RNF168: variants seen among roughly 807,000 people sequenced by gnomAD.
The protein encoded by RNF168 is ring finger protein 168.
In RNF168, 34 loss-of-function variants were observed where a neutral mutation model predicts 34.9. The observed-to-expected ratio is 0.97, with a 90% CI of 0.74 to 1.30. RNF168 has a LOEUF of 1.30. RNF168 is among the 50% of genes most tolerant of loss of function. The pLI, the probability that RNF168 is intolerant of heterozygous loss-of-function variation, is 0.00. For synonymous variants in RNF168, 264 were observed against 254.7 expected (o/e 1.04, Z -0.35); for missense variants, 725 against 682.5 (o/e 1.06, Z -0.69).
At chr3:196,477,610 G>C (rs1732180350) in intron 4 of RNF168, among the ~76,000 whole-genome samples, 1 of 152,118 alleles carries the variant, frequency 6.6e-6, no homozygotes, top group South Asian at 2.1e-4. Flanking sequence ...GCTGATGCGG[G>C]ACCACTACTT....
rs753350425 is a variant in RNF168, at chr3:196,482,402, C to CA, written c.680+1367dup. 9.1e-4 allele frequency among the ~76,000 whole-genome samples: 139 copies of CA among 152,250 alleles called. 1 individual carries two copies. The highest frequency in any genetic ancestry group is 4.4e-4 in the Non-Finnish European group (30 of 68,022). On this transcript the variant is annotated intron_variant, in intron 4 of 5. Transcript: ENST00000318037. ...TTCGGTTATTTGAATAATGTTGACACAAATATTCATGTACAAGTATTTGTT... is the reference window on the plus strand; with the variant it reads ...TTCGGTTATTTGAATAATGTTGACACAAAATATTCATGTACAAGTATTTGTT...
At chr3:196,486,494 C>T (rs575008014) in intron 3 of RNF168, among the ~76,000 whole-genome samples, 14 of 151,782 alleles carry the variant, frequency 9.2e-5, no homozygotes, top group Non-Finnish European at 2.1e-4. Flanking sequence ...CCATCACACT[C>T]GGCTCATTAT....
rs750610344 is a variant in RNF168, at chr3:196,472,103, C to A, written c.1432G>T (p.Ala478Ser). ...ACTTTGTCTGGAGGGGAGGATGTAGCGCGTAAGTGATACTCATCTGGGGAT... is the reference window on the plus strand; with the variant it reads ...ACTTTGTCTGGAGGGGAGGATGTAGAGCGTAAGTGATACTCATCTGGGGAT... ...KGSPDEYHLR[A>S]TSSPPDKVLN... Residue 478 changes from alanine (A) to serine (S), a missense_variant, in exon 6 of 6, where the codon GCT (alanine) becomes TCT (serine). By Grantham distance (99) the Ala-to-Ser change is moderately conservative. Coordinates refer to ENST00000318037, the MANE Select transcript of RNF168 (RefSeq NM_152617.4). 1 of 1,613,558 alleles carries A rather than the reference C, an allele frequency of 6.2e-7. No individual in the cohort carries two copies.
chr3:196,503,107 G>A lies in RNF168; in HGVS notation c.67C>T (p.Leu23Phe), dbSNP rs147699594. ...CACGGGAGGGTGACGGGCTCCACGA[G>A]GATTTCCATGCAGATCCCGCACTGG... ...ECQCGICMEI[L>F]VEPVTLPCNH... is the part of the protein sequence containing the mutation. The change falls in exon 1 of 6, where the codon CTC (leucine) becomes TTC (phenylalanine). Residue 23 changes from leucine to phenylalanine, a missense_variant. Coordinates refer to ENST00000318037, the MANE Select transcript of RNF168 (RefSeq NM_152617.4). 2.5e-6 allele frequency: 4 copies of A among 1,614,050 alleles called. No homozygotes were observed. The highest frequency in any genetic ancestry group is 2.7e-5 in the African/African-American group (2 of 74,914).
At chr3:196,487,159 T>C (rs575072703) in intron 3 of RNF168, among the ~76,000 whole-genome samples, 3 of 152,392 alleles carry the variant, frequency 2.0e-5, no homozygotes, top group African/African-American at 4.8e-5. Flanking sequence ...CTTCTAATTA[T>C]GGCAACGCCA....
intron 1 of RNF168, among the ~76,000 whole-genome samples, chr3:196,497,817 C>T (rs552217551): frequency 6.6e-6 from 1 of 152,090 alleles, no homozygotes; most frequent in East Asian, 1.9e-4. Context: ...AATTTCAGCT[C>T]GTCAAAACAA....
intron 4 of RNF168, 130 bp from the exon 5 acceptor site, chr3:196,475,442 T>C: frequency 1.4e-6 from 1 of 691,720 alleles, no homozygotes. Flanking sequence ...GTATCTCATT[T>C]CCGTGCTTCA....
chr3:196,492,330 C>A (rs1465785385), intron 1 of RNF168, among the ~76,000 whole-genome samples: 3 of 150,982 alleles, frequency 2.0e-5, no homozygotes, highest in Non-Finnish European at 1.5e-5. Context: ...AAGACCCCAT[C>A]TTTGTTCAAA....
At chr3:196,502,054 G>GAAAAAAAAAAAAAAA (rs554041803) in intron 1 of RNF168, among the ~76,000 whole-genome samples, 15 of 50,046 alleles carry the variant, frequency 3.0e-4, no homozygotes, top group Middle Eastern at 0.021. Flanking sequence ...AAAAAAATTA[G>GAAAAAAAAAAAAAAA]AAAAAAAAAA....
chr3:196,484,249 CAAGCTCCACCCCCGCA>C, intron 3 of RNF168, among the ~76,000 whole-genome samples: 1 of 148,014 alleles, frequency 6.8e-6, no homozygotes, highest in Non-Finnish European at 1.5e-5. Context: ...CGGCTCACTG[CAAGCTCCACCCCCGCA>C]GGTTCATGCC....
At chr3:196,494,040 G>T (rs557977471) in intron 1 of RNF168, among the ~76,000 whole-genome samples, 2 of 151,450 alleles carry the variant, frequency 1.3e-5, no homozygotes, top group South Asian at 2.1e-4. Context: ...TTTTGTAGAC[G>T]GTTTTGCCCT....
In RNF168 at chr3:196,472,118, C is replaced by T; in HGVS notation, c.1417G>A (p.Glu473Lys). The change falls in exon 6 of 6, where the codon GAG (glutamate) becomes AAG (lysine). Residue 473 changes from glutamate (E) to lysine (K), a missense_variant. Glu to Lys is a moderately conservative substitution (Grantham distance 56). Coordinates refer to ENST00000318037, the MANE Select transcript of RNF168 (RefSeq NM_152617.4). ...GAGGATGTAGCGCGTAAGTGATACTCATCTGGGGATCCTTTTTGCCGGTTT... is the reference window on the plus strand; with the variant it reads ...GAGGATGTAGCGCGTAAGTGATACTTATCTGGGGATCCTTTTTGCCGGTTT... ...VPNRQKGSPD[E>K]YHLRATSSPP... The T allele has an allele frequency of 1.2e-6, 2 of 1,614,024 alleles. No individual in the cohort carries two copies. The highest frequency in any genetic ancestry group is 1.7e-6 in the Non-Finnish European group (2 of 1,179,968).
intron 1 of RNF168, among the ~76,000 whole-genome samples, chr3:196,499,143 C>A (rs186495383): frequency 7.6e-4 from 116 of 152,102 alleles, no homozygotes; most frequent in African/African-American, 2.7e-3. Flanking sequence ...AGTACAGAGC[C>A]TTTAATCCAA....
At chr3:196,482,427 T>C (rs188447091) in intron 4 of RNF168, among the ~76,000 whole-genome samples, 1 of 152,334 alleles carries the variant, frequency 6.6e-6, no homozygotes, top group African/African-American at 2.4e-5. Flanking sequence ...AAGTATTTGT[T>C]TGAATACCTG....
intron 3 of RNF168, among the ~76,000 whole-genome samples, chr3:196,485,079 G>A (rs185878542): frequency 2.6e-5 from 4 of 152,122 alleles, no homozygotes; most frequent in Admixed American, 2.0e-4. Context: ...GGACTTTAAG[G>A]GCGTATTAAT....
Position 196,501,035 on chromosome 3 carries a change from T to C in RNF168, c.301+1838A>G, listed in dbSNP as rs1308450999. Among the ~76,000 whole-genome samples the C allele has an allele frequency of 2.0e-5, 3 of 152,180 alleles. No homozygotes were observed. The East Asian group carries it at 5.8e-4, about 29-fold the overall frequency. On this transcript the variant is annotated intron_variant, in intron 1 of 5. Coordinates refer to ENST00000318037, the MANE Select transcript of RNF168 (RefSeq NM_152617.4). ...CCCGCAATTTTTTGACACACAGAGT[T>C]AAGATACCAGTTCACATGTACTAGC...
Position 196,472,541 on chromosome 3 carries a change from G to A in RNF168, c.994C>T (p.Arg332Ter), listed in dbSNP as rs1732036148. 33 of 1,614,050 alleles carry A rather than the reference G, an allele frequency of 2.0e-5. No homozygotes were observed. Among genetic ancestry groups the A allele is most frequent in the Non-Finnish European group, 2.5e-5 (29 of 1,180,010 alleles). Residue 332 changes from arginine to a stop codon, truncating the protein, a stop_gained, in exon 6 of 6, where the codon CGA (arginine) becomes TGA (stop). Transcript: ENST00000318037. LOFTEE classifies it low-confidence loss of function (END_TRUNC). ...GAGTAGGGAACTCTGGTTTTAGGTC[G>A]CTCGTGACTTAAGACACATAACTCT... ...GKELCVLSHERPKTRVPYSKE... is the reference protein window; with the variant it reads ...GKELCVLSHE
At chr3:196,483,916 A>T (rs1267395382) in intron 3 of RNF168, 25 bp from the exon 4 acceptor site, 6 of 1,555,204 alleles carry the variant, frequency 3.9e-6, no homozygotes, top group Non-Finnish European at 5.3e-6. Flanking sequence ...AAAGCATAAC[A>T]GACATTATGA....
intron 4 of RNF168, among the ~76,000 whole-genome samples, chr3:196,481,254 G>A (rs1186974752): frequency 6.6e-6 from 1 of 152,068 alleles, no homozygotes; most frequent in Non-Finnish European, 1.5e-5. Context: ...AGAGTAGCAG[G>A]CCACCCTTGC....
Sources: gnomAD v4.1 joint callset for allele counts (sites outside exome capture counted in the v4.1 genomes callset) on GRCh38, gnomAD v4.1.1 for gene constraint, MANE v1.5 for transcripts, NCBI Gene and HGNC (gene_info 2026-07-23, HGNC 2026-07-21) for gene names.